ACTR10: variants seen among roughly 807,000 people sequenced by gnomAD.
ACTR10 encodes actin-related protein 10.
Under a neutral mutation model 56.2 loss-of-function variants are expected in ACTR10, and 43 were observed. The ratio of observed to expected loss-of-function variants is 0.77; its 90% confidence interval spans 0.60 to 0.99. ACTR10 has a LOEUF of 0.99. ACTR10 is among the 50% of genes least tolerant of loss of function. ACTR10 has a pLI of 0.00. For missense variants in ACTR10, 466 were observed against 507.8 expected (o/e 0.92, Z 0.79); for synonymous variants, 170 against 176.3 (o/e 0.96, Z 0.28).
intron 11 of ACTR10, chr14:58,231,051 C>G (rs1246116245): frequency 3.0e-6 from 1 of 337,554 alleles, no homozygotes; most frequent in African/African-American, 2.3e-5. Flanking sequence ...GCCACCGCAC[C>G]TGGCCTTTTT....
At chr14:58,209,340 G>T in intron 4 of ACTR10, 1 of 257,446 alleles carries the variant, frequency 3.9e-6, no homozygotes, top group East Asian at 7.6e-5. Flanking sequence ...CTTCCTTTGT[G>T]TGGTTATTTC....
At chr14:58,210,650 A>G (rs1360578186) in intron 4 of ACTR10, among the ~76,000 whole-genome samples, 1 of 149,910 alleles carries the variant, frequency 6.7e-6, no homozygotes, top group Non-Finnish European at 1.5e-5. Flanking sequence ...CTTCCTCTAT[A>G]TTTATGTTTC....
chr14:58,225,712 C>CT (rs879692273), intron 10 of ACTR10, among the ~76,000 whole-genome samples: 165 of 143,622 alleles, frequency 1.1e-3, no homozygotes, highest in Non-Finnish European at 1.2e-3. Flanking sequence ...GTTCACACTT[C>CT]TTTTTTTTTT....
intron 2 of ACTR10, among the ~76,000 whole-genome samples, chr14:58,205,652 T>G (rs1177766141): frequency 1.3e-5 from 2 of 152,078 alleles, no homozygotes; most frequent in South Asian, 4.1e-4. Context: ...AAGGAATCAT[T>G]TCATTGATTT....
chr14:58,218,820 A>AATT (rs965364373), intron 7 of ACTR10, among the ~76,000 whole-genome samples: 1 of 152,018 alleles, frequency 6.6e-6, no homozygotes, highest in Non-Finnish European at 1.5e-5. Flanking sequence ...ATGGGTTAAA[A>AATT]ATTATTATTA....
chr14:58,215,117 A>C, intron 6 of ACTR10, 88 bp from the exon 7 acceptor site: 1 of 824,008 alleles, frequency 1.2e-6, no homozygotes, highest in South Asian at 2.0e-5. Context: ...AAAAAAAATC[A>C]TAATAATCTA....
chr14:58,229,140 A>G (rs555772293), intron 10 of ACTR10, among the ~76,000 whole-genome samples: 1 of 152,304 alleles, frequency 6.6e-6, no homozygotes, highest in East Asian at 1.9e-4. Flanking sequence ...ATGGAGATAT[A>G]GAACTATTGC....
intron 2 of ACTR10, 28 bp downstream of exon 2, chr14:58,202,955 A>C (rs760450537): frequency 7.3e-7 from 1 of 1,366,746 alleles, no homozygotes; most frequent in South Asian, 1.2e-5. Context: ...TTAGCAAAAT[A>C]AATGCCATAC....
At chr14:58,225,205 A>C (rs1455789721) in intron 10 of ACTR10, among the ~76,000 whole-genome samples, 1 of 152,170 alleles carries the variant, frequency 6.6e-6, no homozygotes, top group Non-Finnish European at 1.5e-5. Context: ...TTTTGTTAGA[A>C]AGAATGCATT....
intron 5 of ACTR10, among the ~76,000 whole-genome samples, chr14:58,211,859 G>C (rs1889004989): frequency 6.6e-6 from 1 of 151,316 alleles, no homozygotes; most frequent in Admixed American, 6.6e-5. Flanking sequence ...AGAGTGGCGT[G>C]AACCCGGGAG....
chr14:58,208,479 T>C (rs1304951252), intron 3 of ACTR10, among the ~76,000 whole-genome samples: 1 of 152,130 alleles, frequency 6.6e-6, no homozygotes, highest in Non-Finnish European at 1.5e-5. Context: ...AGTAGAGATA[T>C]AAGGTTCTTG....
intron 10 of ACTR10, among the ~76,000 whole-genome samples, chr14:58,226,585 G>A (rs1370609975): frequency 1.3e-5 from 2 of 151,718 alleles, no homozygotes; most frequent in Non-Finnish European, 2.9e-5. Flanking sequence ...TTGTTTTTTT[G>A]TGTGTTTTTT....
chr14:58,219,755 C>G lies in ACTR10; in HGVS notation c.634+26C>G, dbSNP rs1420615051. On this transcript the variant is annotated intron_variant, in intron 8 of 12. Transcript: ENST00000254286. ...GTAAACTAAGTTCTCATTTTTGTCC[C>G]TTTCATCCTTAAGTGTTACTTTGGA... is the stretch of plus-strand genomic sequence containing the variant. The G allele has an allele frequency of 2.7e-6, 4 of 1,479,812 alleles. No individual in the cohort carries two copies. The Admixed American group carries it at 8.8e-5, about 33-fold the overall frequency. The allele number at this position is 1,479,812 out of a possible 1,614,324, so 91.7% of individuals were successfully genotyped here.
intron 5 of ACTR10, 104 bp from the exon 6 acceptor site, chr14:58,213,527 T>G: frequency 1.8e-6 from 1 of 562,636 alleles, no homozygotes; most frequent in East Asian, 3.3e-5. Flanking sequence ...AAATAAAAAT[T>G]TGTCACTAAA....
At chr14:58,225,858 G>A (rs566933813) in intron 10 of ACTR10, among the ~76,000 whole-genome samples, 1 of 151,864 alleles carries the variant, frequency 6.6e-6, no homozygotes, top group Admixed American at 6.6e-5. Flanking sequence ...GATTACAGGC[G>A]CCCATCACCA....
At chr14:58,214,639 C>T (rs550156216) in intron 6 of ACTR10, among the ~76,000 whole-genome samples, 9 of 151,176 alleles carry the variant, frequency 6.0e-5, no homozygotes, top group South Asian at 2.1e-4. Context: ...TACAGGCGTG[C>T]GCCGCCACGC....
intron 1 of ACTR10, among the ~76,000 whole-genome samples, chr14:58,201,132 TC>T (rs1474447478): frequency 6.6e-6 from 1 of 152,196 alleles, no homozygotes; most frequent in Admixed American, 6.5e-5. Context: ...TCTAGGCACT[TC>T]CTGACGTGTA....
intron 7 of ACTR10, among the ~76,000 whole-genome samples, chr14:58,215,648 T>C (rs1566625975): frequency 6.6e-6 from 1 of 152,228 alleles, no homozygotes; most frequent in East Asian, 1.9e-4. Flanking sequence ...GTTTGTTCCT[T>C]CTTTTTCTCT....
At chr14:58,219,045 C>G (rs1426517704) in intron 7 of ACTR10, among the ~76,000 whole-genome samples, 2 of 152,130 alleles carry the variant, frequency 1.3e-5, no homozygotes, top group Admixed American at 6.6e-5. Context: ...GTCTTGAACT[C>G]CCGACCTCAG....
Sources: allele counts gnomAD v4.1 joint callset (sites outside exome capture counted in the v4.1 genomes callset), GRCh38; gene constraint gnomAD v4.1.1; transcripts MANE v1.5; gene names NCBI Gene and HGNC (gene_info 2026-07-23, HGNC 2026-07-21).